The following SRXN1 variants were observed in gnomAD, a reference collection of about 807,000 sequenced individuals.
SRXN1 encodes the protein sulfiredoxin-1.
SRXN1 carries 11 observed loss-of-function variants against 11.0 expected under a neutral mutation model. The ratio of observed to expected loss-of-function variants is 1.00; its 90% CI spans 0.63 to 1.65. The LOEUF (loss-of-function observed/expected upper bound fraction) is 1.65, where lower values mean the gene tolerates loss of function less well. SRXN1 is among the 40% of genes most tolerant of loss of function. The pLI is 0.00. For missense variants in SRXN1, 211 were observed against 194.5 expected (o/e 1.08, Z -0.50); for synonymous variants, 106 against 92.8 (o/e 1.14, Z -0.82).
intron 1 of SRXN1, among the ~76,000 whole-genome samples, chr20:652,219 A>T (rs1983690746): frequency 1.3e-5 from 2 of 152,088 alleles, no homozygotes. Flanking sequence ...TGTAAATACT[A>T]GGACTGAAAG....
At chr20:652,944 C>T (rs761387892) in intron 1 of SRXN1, 32 bp downstream of exon 1, 2 of 1,399,148 alleles carry the variant, frequency 1.4e-6, no homozygotes, top group Non-Finnish European at 1.9e-6. Flanking sequence ...CGAAGCCCTC[C>T]CTCCGGTTGG....
intron 1 of SRXN1, among the ~76,000 whole-genome samples, chr20:651,329 G>GT (rs1031823718): frequency 2.6e-5 from 4 of 152,214 alleles, no homozygotes; most frequent in African/African-American, 9.7e-5. Context: ...TAATACAGGT[G>GT]TATGTAAGCA....
intron 1 of SRXN1, among the ~76,000 whole-genome samples, chr20:649,966 G>C (rs1035085942): frequency 6.6e-6 from 1 of 152,216 alleles, no homozygotes; most frequent in Admixed American, 6.5e-5. Flanking sequence ...TGTATGACCT[G>C]AGGGAAGAAC....
At position 648,902 on chromosome 20, in the gene SRXN1, C is replaced by A. The variant is rs771578567; in HGVS notation, c.226G>T (p.Val76Leu). The A allele has an allele frequency of 6.2e-7, 1 of 1,614,108 alleles. No individual in the cohort carries two copies. Among genetic ancestry groups the A allele is most frequent in the Non-Finnish European group, 8.5e-7 (1 of 1,180,022 alleles). ...ATCCAGAGGACATCGATGGGGGGCACGCTGTCTGGGTCCTCCTGGGGAGAA... is the reference window on the plus strand; with the variant it reads ...ATCCAGAGGACATCGATGGGGGGCAAGCTGTCTGGGTCCTCCTGGGGAGAA... Reference protein sequence around the residue: ...VDTIREDPDSVPPIDVLWIKG... With the variant: ...VDTIREDPDSLPPIDVLWIKG... The change falls in exon 2 of 2, where the codon GTG becomes TTG. Residue 76 changes from valine (V) to leucine (L), a missense_variant. Physicochemically the swap from Val to Leu is conservative, Grantham distance 32. Transcript: ENST00000381962.
chr20:650,099 C>T (rs1983634881), intron 1 of SRXN1, among the ~76,000 whole-genome samples: 1 of 152,150 alleles, frequency 6.6e-6, no homozygotes, highest in South Asian at 2.1e-4. Context: ...TCAGAAAGGC[C>T]AGCAGGAGCC....
chr20:648,050 G>A lies in SRXN1; in HGVS notation c.*664C>T. On this transcript the variant is annotated 3_prime_UTR_variant, in exon 2 of 2. Transcript: ENST00000381962. ...AAGTGAAGATATGCAGAGGGAGAGA[G>A]CAGGAAACAGACTTCTGACGAGGTT... The A allele has an allele frequency of 2.2e-6, 1 of 456,172 alleles. No individual in the cohort carries two copies. The highest frequency in any genetic ancestry group is 4.4e-6 in the Non-Finnish European group (1 of 226,900). 28.3% of individuals were successfully genotyped at this position (456,172 alleles called of 1,614,324 possible).
chr20:651,329 G>A (rs1350464972), intron 1 of SRXN1, among the ~76,000 whole-genome samples: 2 of 152,332 alleles, frequency 1.3e-5, no homozygotes, highest in East Asian at 1.9e-4. Flanking sequence ...TAATACAGGT[G>A]TATGTAAGCA....
intron 1 of SRXN1, 50 bp downstream of exon 1, chr20:652,925 TC>T: frequency 7.4e-7 from 1 of 1,351,740 alleles, no homozygotes; most frequent in Non-Finnish European, 9.6e-7. Context: ...TCCGGCAACC[TC>T]CCTCCTCCGA....
Sources: gnomAD v4.1 joint callset for allele counts (sites outside exome capture counted in the v4.1 genomes callset) on GRCh38, gnomAD v4.1.1 for gene constraint, MANE v1.5 for transcripts, NCBI Gene and HGNC (gene_info 2026-07-23, HGNC 2026-07-21) for gene names.